Variants in PEAK1 observed in about 807,000 individuals in gnomAD.
The protein encoded by PEAK1 is pseudopodium enriched atypical kinase 1, also known as inactive tyrosine-protein kinase PEAK1.
Under a neutral mutation model 124.7 loss-of-function variants are expected in PEAK1, and 54 were observed. That is an observed-to-expected ratio of 0.43 (90% CI 0.35 to 0.54). The LOEUF is 0.54. PEAK1 is among the 20% of genes least tolerant of loss of function. The pLI, the probability that PEAK1 is intolerant of heterozygous loss-of-function variation, is 0.01. For synonymous variants in PEAK1, 719 were observed against 760.0 expected (o/e 0.95, Z 0.89); for missense variants, 2,046 against 2,134.5 (o/e 0.96, Z 0.82).
chr15:77,381,025 A>G (rs1302066568), intron 1 of PEAK1, among the ~76,000 whole-genome samples: 1 of 152,232 alleles, frequency 6.6e-6, no homozygotes, highest in Non-Finnish European at 1.5e-5. Flanking sequence ...TTATTAGGTC[A>G]GCCTTGGCTC....
chr15:77,312,208 A>C (rs1035922703), intron 2 of PEAK1, among the ~76,000 whole-genome samples: 8 of 152,222 alleles, frequency 5.3e-5, no homozygotes, highest in African/African-American at 1.9e-4. Flanking sequence ...TGACACAGAG[A>C]ATACAATAAG....
rs772513301 is a variant in PEAK1, at chr15:77,115,179, C to T, written c.4218G>A (p.Glu1406=). 7 of 1,614,050 alleles carry T rather than the reference C, an allele frequency of 4.3e-6. No individual in the cohort carries two copies. Among genetic ancestry groups the T allele is most frequent in the Non-Finnish European group, 5.9e-6 (7 of 1,180,042 alleles). Residue 1406 remains glutamate (E), a synonymous_variant, in exon 10 of 10, where the codon GAG becomes GAA. Coordinates refer to ENST00000682557, the MANE Select transcript of PEAK1 (RefSeq NM_001385026.1). ...CATCCTTTTCAGGGTCATCTGGATC[C>T]TCCCAGGGAAGCAGACGGTTAGGGA... ...AEVPNRLLPW[E]DPDDPEKDED...
intron 1 of PEAK1, among the ~76,000 whole-genome samples, chr15:77,400,024 C>A (rs2071221816): frequency 6.6e-6 from 1 of 152,104 alleles, no homozygotes; most frequent in African/African-American, 2.4e-5. Flanking sequence ...AGATATTTCT[C>A]AAAAGACATG....
At chr15:77,124,503 G>GA (rs2052205215) in intron 9 of PEAK1, among the ~76,000 whole-genome samples, 1 of 152,190 alleles carries the variant, frequency 6.6e-6, no homozygotes, top group South Asian at 2.1e-4. Context: ...GTTCTACCTT[G>GA]AAATTTTAGC....
intron 2 of PEAK1, among the ~76,000 whole-genome samples, chr15:77,338,568 G>A (rs2066337718): frequency 6.6e-6 from 1 of 150,826 alleles, no homozygotes; most frequent in Non-Finnish European, 1.5e-5. Context: ...CTATGGAACA[G>A]CATATTAACA....
intron 2 of PEAK1, among the ~76,000 whole-genome samples, chr15:77,362,025 G>A (rs962455089): frequency 6.6e-6 from 1 of 152,148 alleles, no homozygotes; most frequent in Non-Finnish European, 1.5e-5. Context: ...TTGGTAGTAG[G>A]GAGGGAGGGA....
intron 6 of PEAK1, among the ~76,000 whole-genome samples, chr15:77,234,301 C>G (rs890996365): frequency 6.6e-6 from 1 of 152,060 alleles, no homozygotes; most frequent in East Asian, 1.9e-4. Flanking sequence ...TCAGACTTGC[C>G]AAGATTTATC....
At chr15:77,322,110 T>G (rs775482084) in intron 2 of PEAK1, among the ~76,000 whole-genome samples, 3 of 151,926 alleles carry the variant, frequency 2.0e-5, no homozygotes, top group African/African-American at 7.3e-5. Context: ...TACCAGAATC[T>G]CTGGGACACA....
chr15:77,314,444 C>A (rs2064743706), intron 2 of PEAK1, among the ~76,000 whole-genome samples: 1 of 152,102 alleles, frequency 6.6e-6, no homozygotes, highest in African/African-American at 2.4e-5. Flanking sequence ...TTTCAGCTCA[C>A]TGCAACCTCT....
chr15:77,269,372 T>C (rs938613298), intron 5 of PEAK1, among the ~76,000 whole-genome samples: 13 of 152,156 alleles, frequency 8.5e-5, no homozygotes, highest in East Asian at 3.8e-4. Flanking sequence ...TAGCTATTCT[T>C]ATATCAGACA....
chr15:77,402,660 A>G (rs911281331), intron 1 of PEAK1: 131 of 985,240 alleles, frequency 1.3e-4, no homozygotes, highest in Non-Finnish European at 1.5e-4. Context: ...AACTACTCCC[A>G]TAGTGTATCG....
At chr15:77,178,220 T>C in intron 7 of PEAK1, 1 of 152,880 alleles carries the variant, frequency 6.5e-6, no homozygotes. Flanking sequence ...ACTTCTCCTA[T>C]TTCACCCACA....
intron 1 of PEAK1, chr15:77,419,033 T>G (rs2073124616): frequency 1.0e-6 from 1 of 985,260 alleles, no homozygotes; most frequent in Admixed American, 6.1e-5. Flanking sequence ...TCAATTAGGT[T>G]TTCTATAGCA....
At chr15:77,161,894 G>C (rs971734149) in intron 7 of PEAK1, among the ~76,000 whole-genome samples, 1 of 150,432 alleles carries the variant, frequency 6.6e-6, no homozygotes, top group African/African-American at 2.5e-5. Context: ...TGAACTCAGG[G>C]GGCAGAGGTT....
chr15:77,129,009 C>T (rs2052618364), intron 9 of PEAK1, among the ~76,000 whole-genome samples: 1 of 152,086 alleles, frequency 6.6e-6, no homozygotes, highest in Non-Finnish European at 1.5e-5. Context: ...AATCCTTAAC[C>T]CCCAATGTGA....
intron 5 of PEAK1, chr15:77,278,838 T>TTTC (rs1352071938): frequency 3.0e-6 from 1 of 333,112 alleles, no homozygotes; most frequent in Non-Finnish European, 5.8e-6. Flanking sequence ...GTGGGTTTTT[T>TTTC]TTTTTTTTTT....
chr15:77,366,147 T>C (rs1203862107), intron 1 of PEAK1, among the ~76,000 whole-genome samples: 1 of 152,178 alleles, frequency 6.6e-6, no homozygotes, highest in Non-Finnish European at 1.5e-5. Flanking sequence ...CATGGTAAGA[T>C]TGCACCTCAC....
rs1222017229 is a variant in PEAK1 at position 77,158,567 on chromosome 15, A to G, written c.3267T>C (p.Asp1089=). ...ALSLPELERE[D]GKEDISDPMD... ...TAGGATCTGAAATGTCTTCTTTTCCATCTTCCCTTTCCAGTTCAGGTAGGG... is the reference window on the plus strand; with the variant it reads ...TAGGATCTGAAATGTCTTCTTTTCCGTCTTCCCTTTCCAGTTCAGGTAGGG... The change falls in exon 8 of 10, where the codon GAT becomes GAC. Residue 1089 remains aspartate (D), a synonymous_variant. Transcript: ENST00000682557. 7 of 1,614,162 alleles carry G rather than the reference A, an allele frequency of 4.3e-6. No individual in the cohort carries two copies. The Admixed American group carries it at 1.0e-4, about 23-fold the overall frequency.
chr15:77,190,836 TG>T (rs2057797160), intron 6 of PEAK1, among the ~76,000 whole-genome samples: 1 of 152,172 alleles, frequency 6.6e-6, no homozygotes, highest in Non-Finnish European at 1.5e-5. Context: ...CTAGGGTGGC[TG>T]GCAGCTCCTT....
Sources: gnomAD v4.1 joint callset for allele counts (sites outside exome capture counted in the v4.1 genomes callset) on GRCh38, gnomAD v4.1.1 for gene constraint, MANE v1.5 for transcripts, NCBI Gene and HGNC (gene_info 2026-07-23, HGNC 2026-07-21) for gene names.